ALDH9A1: variants seen among roughly 807,000 people sequenced by gnomAD.
ALDH9A1 encodes the protein 4-trimethylaminobutyraldehyde dehydrogenase.
ALDH9A1 carries 42 observed loss-of-function variants against 56.6 expected under a neutral mutation model. The observed-to-expected ratio is 0.74, with a 90% CI of 0.58 to 0.96. ALDH9A1 has a LOEUF of 0.96. Ranked by LOEUF, ALDH9A1 falls within the 40% of genes least tolerant of loss-of-function variation. The probability of loss-of-function intolerance (pLI) is 0.00; values close to 1 mark genes in which losing one functional copy is unlikely to be tolerated. For synonymous variants in ALDH9A1, 242 were observed against 236.0 expected (o/e 1.03, Z -0.23); for missense variants, 661 against 651.5 (o/e 1.01, Z -0.16).
At chr1:165,679,121 G>A (rs1259609203) in intron 6 of ALDH9A1, among the ~76,000 whole-genome samples, 3 of 152,156 alleles carry the variant, frequency 2.0e-5, no homozygotes, top group South Asian at 2.1e-4. Flanking sequence ...TAAGTGTACC[G>A]TGCTTATGTA....
In ALDH9A1 at chr1:165,680,545, C is replaced by A. The variant is rs774231534; in HGVS notation, c.731G>T (p.Cys244Phe). The change falls in exon 5 of 11, where the codon TGT becomes TTT. Residue 244 changes from cysteine (C) to phenylalanine (F), a missense_variant. Transcript: ENST00000354775. The stretch of plus-strand genomic sequence containing the variant: ...GACTTTGGCCACATCGGGATGCTGA[C>A]ACAGAAACTGGCCTGTGGCAGCCCC... The part of the protein sequence containing the change: ...QGGAATGQFL[C>F]QHPDVAKVSF... 5.6e-6 allele frequency: 9 copies of A among 1,614,224 alleles called. 1 individual carries two copies. The South Asian group carries it at 9.9e-5, about 18-fold the overall frequency.
At chr1:165,695,487 CTTTTTTT>C in intron 1 of ALDH9A1, 90 bp from the exon 2 acceptor site, 16 of 337,832 alleles carry the variant, frequency 4.7e-5, no homozygotes, top group Non-Finnish European at 6.2e-5. Context: ...TAGTAGTAGT[CTTTTTTT>C]TTTTTTTTTT....
chr1:165,676,720 T>C (rs1030167405), intron 6 of ALDH9A1: 1 of 498,782 alleles, frequency 2.0e-6, no homozygotes, highest in Non-Finnish European at 3.9e-6. Context: ...GGAATCCCAC[T>C]GTGTGAGAAC....
chr1:165,694,955 C>CA (rs538042607), intron 2 of ALDH9A1, among the ~76,000 whole-genome samples: 1,088 of 106,592 alleles, frequency 0.01, 2 homozygotes, highest in Non-Finnish European at 0.017. Context: ...GATTCCGTCT[C>CA]AAAAAAAAAA....
intron 1 of ALDH9A1, among the ~76,000 whole-genome samples, chr1:165,696,462 C>T (rs1650086846): frequency 1.3e-5 from 2 of 152,244 alleles, no homozygotes; most frequent in African/African-American, 4.8e-5. Flanking sequence ...CTGTAAATCC[C>T]TTGTCTATAT....
In ALDH9A1 at chr1:165,669,327, C is replaced by T. The variant is rs368852785; in HGVS notation, c.1054G>A (p.Gly352Ser). 7.4e-6 allele frequency: 12 copies of T among 1,613,848 alleles called. No individual in the cohort carries two copies. The highest frequency in any genetic ancestry group is 8.5e-7 in the Non-Finnish European group (1 of 1,179,930). The change falls in exon 7 of 11, where the codon GGT (glycine) becomes AGT (serine). Residue 352 changes from glycine to serine, a missense_variant. Gly to Ser is a moderately conservative substitution (Grantham distance 56, BLOSUM62 0). Coordinates refer to ENST00000354775, the MANE Select transcript of ALDH9A1 (RefSeq NM_000696.4). The stretch of plus-strand genomic sequence containing the variant: ...AGGTGTGGTCGGTTGATGAGTGGAC[C>T]CATCCTTGTATCTTCCAGAAGGGGA... ...GDPLLEDTRM[G>S]PLINRPHLER...
intron 6 of ALDH9A1, among the ~76,000 whole-genome samples, chr1:165,672,396 G>A (rs929983533): frequency 3.3e-5 from 5 of 152,082 alleles, no homozygotes; most frequent in African/African-American, 4.8e-5. Context: ...TAAGTGAAAC[G>A]AGCCAGACAT....
intron 6 of ALDH9A1, among the ~76,000 whole-genome samples, chr1:165,677,037 T>G (rs1419774831): frequency 3.3e-5 from 5 of 152,178 alleles, no homozygotes; most frequent in African/African-American, 1.2e-4. Flanking sequence ...CTTGTACTGG[T>G]TTGAAGATAG....
At chr1:165,696,181 T>C (rs1194765069) in intron 1 of ALDH9A1, among the ~76,000 whole-genome samples, 2 of 152,132 alleles carry the variant, frequency 1.3e-5, no homozygotes, top group South Asian at 2.1e-4. Flanking sequence ...TTTGCGGTCA[T>C]TGACATTAGG....
In ALDH9A1 at chr1:165,683,880, A is replaced by G. The variant is rs573865160; in HGVS notation, c.328-770T>C. On this transcript the variant is annotated intron_variant, in intron 2 of 10. Coordinates refer to ENST00000354775, the MANE Select transcript of ALDH9A1 (RefSeq NM_000696.4). ...TTCTTTGGTCTAAAGGACATAAAAG[A>G]ATTGAATATGTAAGAAGTAGGCAGT... Among the ~76,000 whole-genome samples the G allele has an allele frequency of 5.9e-5, 9 of 152,358 alleles. No homozygotes were observed. In the South Asian group the frequency reaches 1.4e-3, roughly 25 times the overall value.
chr1:165,687,953 A>C (rs562289896), intron 2 of ALDH9A1, among the ~76,000 whole-genome samples: 2 of 151,600 alleles, frequency 1.3e-5, no homozygotes, highest in Non-Finnish European at 2.9e-5. Flanking sequence ...ATGCCACTGT[A>C]CTCCAGCCTG....
chr1:165,671,742 G>T (rs1318041064), intron 6 of ALDH9A1: 8 of 318,788 alleles, frequency 2.5e-5, no homozygotes, highest in Non-Finnish European at 5.0e-5. Flanking sequence ...ATTTGTCTAT[G>T]TACTTGAGCA....
chr1:165,667,359 T>TAGAACCTCAGCTTC lies in ALDH9A1; in HGVS notation c.1285_1298dup (p.Glu434LysfsTer5), dbSNP rs1558001867. The TAGAACCTCAGCTTC allele has an allele frequency of 6.2e-7, 1 of 1,614,136 alleles. No individual in the cohort carries two copies. The highest frequency in any genetic ancestry group is 1.7e-5 in the Admixed American group (1 of 60,000). ...CAAAAGTGGTATCATTGGCTCTTTC[T>TAGAACCTCAGCTTC]AGAACCTCAGCTTCAGTGTCAAATG... On this transcript the variant is annotated frameshift_variant, in exon 9 of 11. Transcript: ENST00000354775. LOFTEE classifies it high-confidence loss of function.
At chr1:165,669,602 T>C (rs909326517) in intron 6 of ALDH9A1, 152 bp from the exon 7 acceptor site, 6 of 757,980 alleles carry the variant, frequency 7.9e-6, no homozygotes, top group East Asian at 2.9e-5. Flanking sequence ...GTCTCCATAC[T>C]GAATAAGAAG....
chr1:165,691,494 A>G (rs1435827535), intron 2 of ALDH9A1, among the ~76,000 whole-genome samples: 1 of 152,260 alleles, frequency 6.6e-6, no homozygotes, highest in South Asian at 2.1e-4. Flanking sequence ...AAAGGATCGC[A>G]GCTCCTCACC....
At chr1:165,681,421 T>A (rs1288984930) in intron 4 of ALDH9A1, among the ~76,000 whole-genome samples, 1 of 152,242 alleles carries the variant, frequency 6.6e-6, no homozygotes, top group Non-Finnish European at 1.5e-5. Context: ...TTCTGGTGAC[T>A]ATTAAAGCTA....
At chr1:165,685,310 A>G (rs1649673584) in intron 2 of ALDH9A1, among the ~76,000 whole-genome samples, 1 of 152,198 alleles carries the variant, frequency 6.6e-6, no homozygotes, top group Non-Finnish European at 1.5e-5. Context: ...AGCAGGGCTT[A>G]ATGTCTAGCT....
intron 1 of ALDH9A1, among the ~76,000 whole-genome samples, chr1:165,696,505 T>C (rs1483645170): frequency 6.6e-6 from 1 of 152,238 alleles, no homozygotes; most frequent in Non-Finnish European, 1.5e-5. Context: ...ACTTGATACT[T>C]GATAAATATA....
intron 2 of ALDH9A1, among the ~76,000 whole-genome samples, chr1:165,690,972 G>T (rs944076235): frequency 1.3e-5 from 2 of 152,222 alleles, no homozygotes; most frequent in African/African-American, 4.8e-5. Flanking sequence ...AACTTCTGCA[G>T]ACTTAAACGT....
Sources: allele counts gnomAD v4.1 joint callset (sites outside exome capture counted in the v4.1 genomes callset), GRCh38; gene constraint gnomAD v4.1.1; transcripts MANE v1.5; gene names NCBI Gene and HGNC (gene_info 2026-07-23, HGNC 2026-07-21).